EXPH5: variants seen among roughly 807,000 people sequenced by gnomAD.
EXPH5 encodes the protein exophilin-5.
Under a neutral mutation model 41.1 loss-of-function variants are expected in EXPH5, and 42 were observed. That is an observed-to-expected ratio of 1.02 (90% CI 0.80 to 1.32). EXPH5 has a LOEUF of 1.32. EXPH5 is among the 40% of genes most tolerant of loss of function. The pLI, the probability that EXPH5 is intolerant of heterozygous loss-of-function variation, is 0.00. For synonymous variants in EXPH5, 798 were observed against 833.5 expected, an observed-to-expected ratio of 0.96 and a Z score of 0.73; for missense variants, 2,298 against 2,314.5, an observed-to-expected ratio of 0.99 and a Z score of 0.15.
intron 1 of EXPH5, among the ~76,000 whole-genome samples, chr11:108,590,649 T>C (rs905951359): frequency 2.6e-5 from 4 of 151,988 alleles, no homozygotes; most frequent in Admixed American, 6.6e-5. Context: ...AAAAAAATGA[T>C]TTTATTTATT....
intron 3 of EXPH5, among the ~76,000 whole-genome samples, chr11:108,538,577 C>T (rs565945616): frequency 1.3e-5 from 2 of 152,130 alleles, no homozygotes; most frequent in Admixed American, 1.3e-4. Flanking sequence ...TCTCTAGTCT[C>T]TTTGTTCATC....
chr11:108,514,197 A>G lies in EXPH5; in HGVS notation c.1310T>C (p.Met437Thr), dbSNP rs752939562. The G allele has an allele frequency of 3.1e-6, 5 of 1,614,194 alleles. No homozygotes were observed. The South Asian group carries it at 5.5e-5, about 18-fold the overall frequency. ...TGAGTTCTCAAAAGTGTCGGGACTC[A>G]TTGCATTCTCCATGGGAGCATTTAA... ...VSLNAPMENA[M>T]SPDTFENSEN... Residue 437 changes from methionine to threonine, a missense_variant, in exon 6 of 6, where the codon ATG becomes ACG. Transcript: ENST00000265843.
At chr11:108,562,244 C>A (rs370024926) in intron 1 of EXPH5, among the ~76,000 whole-genome samples, 35 of 149,448 alleles carry the variant, frequency 2.3e-4, no homozygotes, top group Non-Finnish European at 3.8e-4. Context: ...CTTTGCTTTG[C>A]CATTATACAA....
At chr11:108,537,878 G>T in intron 3 of EXPH5, 1 of 624,936 alleles carries the variant, frequency 1.6e-6, no homozygotes, top group Non-Finnish European at 2.0e-6. Flanking sequence ...ATATTTACTG[G>T]GCAAGAAACA....
In EXPH5 at chr11:108,509,967, C is replaced by G; in HGVS notation, c.5540G>C (p.Arg1847Pro). 13 of 1,613,582 alleles carry G rather than the reference C, an allele frequency of 8.1e-6. No individual in the cohort carries two copies. The highest frequency in any genetic ancestry group is 1.1e-5 in the Non-Finnish European group (13 of 1,179,822). ...NEFSVNNGYS[R>P]RFRSFSELPS... ...GAGTTCAGAAAAAGATCTGAATCTT[C>G]GACTGTACCCATTGTTGACAGAGAA... Residue 1847 changes from arginine to proline, a missense_variant, in exon 6 of 6, where the codon CGA becomes CCA. Coordinates refer to ENST00000265843, the MANE Select transcript of EXPH5 (RefSeq NM_015065.3).
chr11:108,518,206 T>C (rs1228757946), intron 5 of EXPH5, 29 bp downstream of exon 5: 2 of 1,603,736 alleles, frequency 1.2e-6, no homozygotes, highest in Admixed American at 3.4e-5. Flanking sequence ...TATCAGTAGT[T>C]GCAAAGGCAA....
At position 108,554,209 on chromosome 11, in the gene EXPH5, A is replaced by T. The variant is rs1276873251; in HGVS notation, c.120-12397T>A. Among the ~76,000 whole-genome samples the T allele has an allele frequency of 5.3e-5, 8 of 152,016 alleles. No homozygotes were observed. The East Asian group carries it at 1.6e-3, about 29-fold the overall frequency. ...CTCCTGAGTAGCTGGGATTACAGGC[A>T]TGTGCCACCACGCCCAGCTAATTTT... On this transcript the variant is annotated intron_variant, in intron 1 of 5. Coordinates refer to ENST00000265843, the MANE Select transcript of EXPH5 (RefSeq NM_015065.3).
chr11:108,552,672 T>C, intron 1 of EXPH5, among the ~76,000 whole-genome samples: 1 of 152,196 alleles, frequency 6.6e-6, no homozygotes, highest in Non-Finnish European at 1.5e-5. Flanking sequence ...TCCCAGAGCC[T>C]TTGGGAGGCC....
chr11:108,562,461 T>C (rs565297398), intron 1 of EXPH5, among the ~76,000 whole-genome samples: 1 of 151,638 alleles, frequency 6.6e-6, no homozygotes, highest in African/African-American at 2.4e-5. Context: ...ATACAAAAAT[T>C]AGCTGGGTAT....
intron 1 of EXPH5, among the ~76,000 whole-genome samples, chr11:108,587,028 C>G (rs1724638243): frequency 6.6e-6 from 1 of 152,176 alleles, no homozygotes. Flanking sequence ...TACGAAAGAC[C>G]ATGCCTTAGC....
intron 4 of EXPH5, among the ~76,000 whole-genome samples, chr11:108,522,298 G>A (rs886828348): frequency 3.9e-5 from 6 of 152,058 alleles, no homozygotes; most frequent in Non-Finnish European, 1.5e-5. Flanking sequence ...TAAGCTATGT[G>A]TGAGATATTA....
intron 1 of EXPH5, among the ~76,000 whole-genome samples, chr11:108,587,212 T>C (rs2094115855): frequency 6.6e-6 from 1 of 152,356 alleles, no homozygotes; most frequent in South Asian, 2.1e-4. Context: ...CATGCTGGTG[T>C]GCTGCACCCA....
chr11:108,605,910 C>A, the EXPH5 span, among the ~76,000 whole-genome samples: 1 of 152,228 alleles, frequency 6.6e-6, no homozygotes, highest in Non-Finnish European at 1.5e-5. Flanking sequence ...ATCCTCAGCC[C>A]TTTTTAGTCC....
At chr11:108,587,137 C>T (rs984367035) in intron 1 of EXPH5, among the ~76,000 whole-genome samples, 2 of 152,230 alleles carry the variant, frequency 1.3e-5, no homozygotes, top group African/African-American at 4.8e-5. Flanking sequence ...TTTATTATTA[C>T]GATACTTTAA....
chr11:108,530,644 T>C (rs2093831362), intron 3 of EXPH5, among the ~76,000 whole-genome samples: 1 of 152,092 alleles, frequency 6.6e-6, no homozygotes, highest in Non-Finnish European at 1.5e-5. Context: ...TCATGGTGCA[T>C]CCCCACAGTC....
At position 108,528,370 on chromosome 11, in the gene EXPH5, C is replaced by T. The variant is rs115949792; in HGVS notation, c.444-186G>A. On this transcript the variant is annotated intron_variant, in intron 3 of 5. Transcript: ENST00000265843. ...ATTAGAAACTGTTTCCTATGATTAC[C>T]CAGAATCAATACTTTACATCTTTGT... Among the ~76,000 whole-genome samples, 1,016 of 152,228 alleles carry T rather than the reference C, an allele frequency of 6.7e-3. 9 individuals are homozygous for T. Among genetic ancestry groups the T allele is most frequent in the African/African-American group, 0.023 (964 of 41,540 alleles).
chr11:108,513,353 G>A lies in EXPH5; in HGVS notation c.2154C>T (p.Asp718=). ...SEEDKQLSKM[D]QTNKAGEIPQ... ...GTATTTCACCTGCCTTGTTTGTCTG[G>A]TCCATCTTGCTTAGCTGTTTGTCTT... Residue 718 remains aspartate (D), a synonymous_variant, in exon 6 of 6, where the codon GAC becomes GAT. Coordinates refer to ENST00000265843, the MANE Select transcript of EXPH5 (RefSeq NM_015065.3). 2.5e-6 allele frequency: 4 copies of A among 1,613,994 alleles called. No individual in the cohort carries two copies. Among genetic ancestry groups the A allele is most frequent in the Non-Finnish European group, 3.4e-6 (4 of 1,179,956 alleles).
At position 108,593,430 on chromosome 11, in the gene EXPH5, T is replaced by C; in HGVS notation, c.107A>G (p.Lys36Arg). 1 of 1,613,892 alleles carries C rather than the reference T, an allele frequency of 6.2e-7. No homozygotes were observed. ...ERNEELQRAE[K>R]DRISKLQKTK... Reference sequence around the variant, plus strand: ...ATTTGCTCTGTACCTGATCCTGTCCTTCTCGGCCCTCTGTAACTCCTCATT... The same window carrying C: ...ATTTGCTCTGTACCTGATCCTGTCCCTCTCGGCCCTCTGTAACTCCTCATT... Residue 36 changes from lysine (K) to arginine (R), a missense_variant, in exon 1 of 6, where the codon AAG becomes AGG. Physicochemically the swap from Lys to Arg is conservative, Grantham distance 26 (BLOSUM62 2). Coordinates refer to ENST00000265843, the MANE Select transcript of EXPH5 (RefSeq NM_015065.3).
In EXPH5 at chr11:108,593,566, G is replaced by T; in HGVS notation, c.-30C>A. The T allele has an allele frequency of 2.5e-6, 4 of 1,613,848 alleles. No individual in the cohort carries two copies. Among genetic ancestry groups the T allele is most frequent in the Non-Finnish European group, 3.4e-6 (4 of 1,179,922 alleles). On this transcript the variant is annotated 5_prime_UTR_variant, in exon 1 of 6. Transcript: ENST00000265843. ...TTTACTGTGTGTGAGTTACACTTAA[G>T]CTCCTTGGCGCCTCCTGTTAGGAAG...
Sources: allele counts gnomAD v4.1 joint callset (sites outside exome capture counted in the v4.1 genomes callset), GRCh38; gene constraint gnomAD v4.1.1; transcripts MANE v1.5; gene names NCBI Gene and HGNC (gene_info 2026-07-23, HGNC 2026-07-21).